CEP131: variants seen among roughly 807,000 people sequenced by gnomAD.
The protein encoded by CEP131 is centrosomal protein of 131 kDa.
A neutral mutation model predicts 136.8 loss-of-function variants in CEP131; 99 were observed. The ratio of observed to expected loss-of-function variants is 0.72; its 90% CI spans 0.62 to 0.86. The LOEUF (loss-of-function observed/expected upper bound fraction) is 0.86. Ranked by LOEUF, CEP131 falls within the 40% of genes least tolerant of loss-of-function variation. The pLI, the probability that CEP131 is intolerant of heterozygous loss-of-function variation, is 0.00. For synonymous variants in CEP131, 646 were observed against 612.7 expected, an observed-to-expected ratio of 1.05 and a Z score of -0.80; for missense variants, 1,459 against 1,463.0, an observed-to-expected ratio of 1.00 and a Z score of 0.04.
At chr17:81,192,687 C>T in intron 19 of CEP131, 49 bp downstream of exon 19, 2 of 1,389,988 alleles carry the variant, frequency 1.4e-6, no homozygotes, top group Non-Finnish European at 2.0e-6. Context: ...GGGGAGGGGT[C>T]AGCCAGCGAG....
At chr17:81,222,089 T>C (rs2062400821) in intron 1 of CEP131, among the ~76,000 whole-genome samples, 1 of 152,206 alleles carries the variant, frequency 6.6e-6, no homozygotes, top group Non-Finnish European at 1.5e-5. Context: ...GCTGGACCCA[T>C]GCAAGCCCTT....
chr17:81,214,953 A>AT (rs2062214319), intron 2 of CEP131, among the ~76,000 whole-genome samples: 1 of 146,792 alleles, frequency 6.8e-6, no homozygotes, highest in South Asian at 2.2e-4. Context: ...TTTTTTTTGT[A>AT]TTTTTAGTAG....
Position 81,191,243 on chromosome 17 carries a change from C to T in CEP131, c.2715G>A (p.Glu905=). The change falls in exon 22 of 26, where the codon GAG becomes GAA. Residue 905 remains glutamate (E), a synonymous_variant. Transcript: ENST00000450824. The part of the protein sequence containing the change: ...KEIELVIHRL[E]ADMALAKEES... ...CCTCCTTGGCCAGCGCCATGTCGGC[C>T]TCCAGCCGGTGAATGACCAGCTCAA... 1 of 1,613,310 alleles carries T rather than the reference C, an allele frequency of 6.2e-7. No homozygotes were observed.
At chr17:81,198,461 C>T (rs1349905942) in intron 11 of CEP131, among the ~76,000 whole-genome samples, 164 bp from the exon 12 acceptor site, 1 of 152,192 alleles carries the variant, frequency 6.6e-6, no homozygotes, top group African/African-American at 2.4e-5. Context: ...CCCACCCGGT[C>T]TCTGCAGCTG....
Position 81,196,812 on chromosome 17 carries a change from G to T in CEP131, c.1788C>A (p.Asp596Glu), listed in dbSNP as rs763262474. 14 of 1,593,626 alleles carry T rather than the reference G, an allele frequency of 8.8e-6. No homozygotes were observed. In the African/African-American group the frequency reaches 1.7e-4, roughly 20 times the overall value. Residue 596 changes from aspartate (D) to glutamate (E), a missense_variant, in exon 15 of 26, where the codon GAC (aspartate) becomes GAA (glutamate). Transcript: ENST00000450824. Reference protein sequence around the residue: ...LLQRALAQQRDLTARRVKETE... With the variant: ...LLQRALAQQRELTARRVKETE... Reference sequence around the variant, plus strand: ...TCTCCTTGACCCGCCGGGCCGTGAGGTCTCGCTGCTGCGCCTGCAGGGTGT... The same window carrying T: ...TCTCCTTGACCCGCCGGGCCGTGAGTTCTCGCTGCTGCGCCTGCAGGGTGT...
Position 81,199,822 on chromosome 17 carries a change from C to T in CEP131, c.920G>A (p.Arg307Gln), listed in dbSNP as rs780580407. 23 of 1,610,920 alleles carry T rather than the reference C, an allele frequency of 1.4e-5. No individual in the cohort carries two copies. The highest frequency in any genetic ancestry group is 2.7e-5 in the African/African-American group (2 of 74,940). Reference sequence around the variant, plus strand: ...GTCCAAGAGGGTCCCCTCGCCTGACCGCTGCCGCTGCTCCTGCCAAAGAAG... The same window carrying T: ...GTCCAAGAGGGTCCCCTCGCCTGACTGCTGCCGCTGCTCCTGCCAAAGAAG... ...LQAKREEQRQ[R>Q]SGEGTLLDLH... Residue 307 changes from arginine to glutamine, a missense_variant, in exon 9 of 26, where the codon CGG becomes CAG. Arg to Gln is a conservative substitution (Grantham distance 43). This residue lies in a region of CEP131 where 246 missense variants were observed against 318.9 expected (regional missense o/e 0.77). Transcript: ENST00000450824.
chr17:81,212,008 G>A (rs1354575212), intron 2 of CEP131, among the ~76,000 whole-genome samples: 2 of 151,288 alleles, frequency 1.3e-5, no homozygotes, highest in African/African-American at 2.4e-5. Flanking sequence ...AAATATACAC[G>A]GCTCTTAAAA....
chr17:81,198,402 C>T (rs2061816129), intron 11 of CEP131, 105 bp from the exon 12 acceptor site: 1 of 1,180,718 alleles, frequency 8.5e-7, no homozygotes, highest in African/African-American at 1.6e-5. Flanking sequence ...CGGGAGCTCC[C>T]CAGTCCCGAC....
Position 81,191,040 on chromosome 17 carries a change from A to G in CEP131, c.2810T>C (p.Leu937Pro). 1 of 1,609,938 alleles carries G rather than the reference A, an allele frequency of 6.2e-7. No individual in the cohort carries two copies. The highest frequency in any genetic ancestry group is 1.1e-5 in the South Asian group (1 of 90,996). ...RDKYEAELSE[L>P]EQSERKLQER... ...CTGAAGCTTCCGCTCCGACTGCTCCAGCTCGGAGAGCTCGGCCTCGTACTT... is the reference window on the plus strand; with the variant it reads ...CTGAAGCTTCCGCTCCGACTGCTCCGGCTCGGAGAGCTCGGCCTCGTACTT... The change falls in exon 23 of 26, where the codon CTG becomes CCG. Residue 937 changes from leucine to proline, a missense_variant. By Grantham distance (98) the Leu-to-Pro change is moderately conservative (BLOSUM62 -3). This residue lies in a region of CEP131 where 1,026 missense variants were observed against 964.2 expected (regional missense o/e 1.06). Transcript: ENST00000450824.
chr17:81,198,296 T>C lies in CEP131; in HGVS notation c.1289A>G (p.Asp430Gly). ...PQQPPEDRTQ[D>G]VLAQDAAGDN... The stretch of plus-strand genomic sequence containing the variant: ...CCCAGCTGCATCCTGGGCAAGAACG[T>C]CCTGCAAAAGAGCAGGGAGACAGAT... The change falls in exon 12 of 26, where the codon GAC becomes GGC. Residue 430 changes from aspartate to glycine, a missense_variant and splice_region_variant. Asp to Gly is a moderately conservative substitution (Grantham distance 94). Transcript: ENST00000450824. 1 of 1,595,284 alleles carries C rather than the reference T, an allele frequency of 6.3e-7. No homozygotes were observed. Among genetic ancestry groups the C allele is most frequent in the Non-Finnish European group, 8.5e-7 (1 of 1,170,058 alleles).
At chr17:81,200,971 T>C (rs368644489) in intron 7 of CEP131, among the ~76,000 whole-genome samples, 2 of 152,146 alleles carry the variant, frequency 1.3e-5, no homozygotes, top group Non-Finnish European at 2.9e-5. Context: ...TATCTTGGTC[T>C]GCTGTGTCCA....
At position 81,192,819 on chromosome 17, in the gene CEP131, C is replaced by G; in HGVS notation, c.2346G>C (p.Glu782Asp). 6.3e-7 allele frequency: 1 copy of G among 1,598,780 alleles called. No homozygotes were observed. The highest frequency in any genetic ancestry group is 2.2e-5 in the East Asian group (1 of 44,846). ...RQRFQQHLEQEQWALQQQRQR... is the reference protein window; with the variant it reads ...RQRFQQHLEQDQWALQQQRQR... The stretch of plus-strand genomic sequence containing the variant: ...GCCGTTGCTGCTGCAGCGCCCACTG[C>G]TCCTGCTCCAGGTGCTGCTGGAACC... The change falls in exon 19 of 26, where the codon GAG becomes GAC. Residue 782 changes from glutamate to aspartate, a missense_variant. Around this residue, in one of 3 missense-constraint regions of CEP131, gnomAD observed 1,026 missense variants for 964.2 expected, o/e 1.06. Coordinates refer to ENST00000450824, the MANE Select transcript of CEP131 (RefSeq NM_014984.4).
At position 81,204,275 on chromosome 17, in the gene CEP131, C is replaced by T. The variant is rs148562948; in HGVS notation, c.516-668G>A. Among the ~76,000 whole-genome samples, 815 of 152,270 alleles carry T rather than the reference C, an allele frequency of 5.4e-3. 5 individuals are homozygous for T. The highest frequency in any genetic ancestry group is 0.019 in the African/African-American group (774 of 41,556). On this transcript the variant is annotated intron_variant, in intron 5 of 25. Transcript: ENST00000450824. The stretch of plus-strand genomic sequence containing the variant: ...GCAAAGCCCCTTCCCTCACTTGAGC[C>T]GCTAGCATCCACCCTGCCCTCCCCA...
chr17:81,200,826 G>C (rs1265211958), intron 7 of CEP131, among the ~76,000 whole-genome samples: 3 of 152,236 alleles, frequency 2.0e-5, no homozygotes, highest in Non-Finnish European at 4.4e-5. Flanking sequence ...ACTCAGGCCA[G>C]TGCAGACCAC....
rs746352568 is a variant in CEP131, at chr17:81,194,931, T to C, written c.2058A>G (p.Lys686=). 1.2e-6 allele frequency: 2 copies of C among 1,613,164 alleles called. No individual in the cohort carries two copies. The highest frequency in any genetic ancestry group is 1.3e-5 in the African/African-American group (1 of 75,000). The change falls in exon 17 of 26, where the codon AAA becomes AAG. Residue 686 remains lysine (K), a synonymous_variant. Transcript: ENST00000450824. ...KLKELMSATE[K]ARREKWISEK... The stretch of plus-strand genomic sequence containing the variant: ...CACTGATCCACTTCTCCCGGCGGGC[T>C]TTCTCGGTGGCGCTCATTAATTCTT...
intron 5 of CEP131, among the ~76,000 whole-genome samples, chr17:81,204,671 G>A (rs1033134941): frequency 5.3e-5 from 8 of 151,972 alleles, no homozygotes; most frequent in African/African-American, 7.3e-5. Flanking sequence ...AGCAATGCAC[G>A]AAACCTGCTC....
At chr17:81,198,999 A>C in intron 10 of CEP131, 28 bp from the exon 11 acceptor site, 5 of 1,497,938 alleles carry the variant, frequency 3.3e-6, no homozygotes, top group Non-Finnish European at 4.4e-6. Flanking sequence ...GCACCATTCC[A>C]CAGGGAGCAT....
chr17:81,195,650 G>A (rs958935546), intron 16 of CEP131, among the ~76,000 whole-genome samples, 185 bp downstream of exon 16: 9 of 152,204 alleles, frequency 5.9e-5, no homozygotes, highest in African/African-American at 2.2e-4. Flanking sequence ...GGCAGCTAGA[G>A]AGGCAGGAGT....
intron 2 of CEP131, among the ~76,000 whole-genome samples, chr17:81,216,081 T>C (rs745872116): frequency 2.0e-5 from 3 of 151,958 alleles, no homozygotes; most frequent in Non-Finnish European, 4.4e-5. Context: ...ATTAGTAGGC[T>C]GGGTGTGGTG....
Sources: allele counts gnomAD v4.1 joint callset (sites outside exome capture counted in the v4.1 genomes callset), GRCh38; gene constraint gnomAD v4.1.1; regional missense constraint gnomAD v4.1.1; transcripts MANE v1.5; gene names NCBI Gene and HGNC (gene_info 2026-07-23, HGNC 2026-07-21).